CD101: variants seen among roughly 807,000 people sequenced by gnomAD.
CD101 encodes the protein immunoglobulin superfamily member 2.
Under a neutral mutation model 98.2 loss-of-function variants are expected in CD101, and 76 were observed. The observed-to-expected ratio is 0.77, with a 90% CI of 0.64 to 0.94. The LOEUF is 0.94. Among genes scored for constraint, CD101 ranks in the 40% least tolerant of loss-of-function variants. CD101 has a pLI of 0.00. For missense variants in CD101, 1,145 were observed against 1,218.8 expected (o/e 0.94, Z 0.90); for synonymous variants, 471 against 472.7 (o/e 1.00, Z 0.05).
At position 117,011,478 on chromosome 1, in the gene CD101, A is replaced by G. The variant is rs1022493316; in HGVS notation, c.425-72A>G. 1.8e-5 allele frequency: 24 copies of G among 1,326,354 alleles called. No individual in the cohort carries two copies. In the African/African-American group the frequency reaches 2.9e-4, roughly 16 times the overall value. The allele number at this position is 1,326,354 out of a possible 1,614,324, so 82.2% of individuals were successfully genotyped here. ...CTGTGTGCTTTACATAGGGTAGCTC[A>G]GGGCGCCATCTAAGGAGGCCCACTG... is the stretch of plus-strand genomic sequence containing the variant. On this transcript the variant is annotated intron_variant, in intron 2 of 9. Transcript: ENST00000682167.
chr1:117,020,981 A>G (rs1237956728), intron 6 of CD101, among the ~76,000 whole-genome samples: 1 of 152,356 alleles, frequency 6.6e-6, no homozygotes, highest in South Asian at 2.1e-4. Flanking sequence ...TTGGCTCCAT[A>G]TCTATACAAT....
Position 117,017,247 on chromosome 1 carries a change from C to G in CD101, c.1386C>G (p.Gly462=), listed in dbSNP as rs771077794. The G allele has an allele frequency of 4.4e-5, 71 of 1,613,906 alleles. No individual in the cohort carries two copies. The highest frequency in any genetic ancestry group is 5.8e-5 in the Non-Finnish European group (68 of 1,180,032). Residue 462 remains glycine, a synonymous_variant, in exon 5 of 10, where the codon GGC becomes GGG. Coordinates refer to ENST00000682167, the MANE Select transcript of CD101 (RefSeq NM_001256106.3). ...RDQTQPEFVA[G]MGQDGIVQLG... is the part of the protein sequence containing the mutation. ...AGACACAGCCCGAGTTTGTGGCTGG[C>G]ATGGGGCAGGATGGCATTGTGCAGC...
intron 8 of CD101, among the ~76,000 whole-genome samples, chr1:117,030,823 C>T (rs751499293): frequency 6.6e-6 from 1 of 152,170 alleles, no homozygotes; most frequent in East Asian, 1.9e-4. Context: ...GTTGGCAGCC[C>T]CCTCTTTATC....
chr1:117,025,699 T>G lies in CD101; in HGVS notation c.2619T>G (p.Tyr873Ter), dbSNP rs1653872873. Residue 873 changes from tyrosine (Y) to a stop codon, truncating the protein, a stop_gained, in exon 8 of 10, where the codon TAT becomes TAG. Coordinates refer to ENST00000682167, the MANE Select transcript of CD101 (RefSeq NM_001256106.3). LOFTEE classifies it high-confidence loss of function. ...VHLQHDGLLE[Y>*]GEEGLRRHLH... is the part of the protein sequence containing the mutation. Reference sequence around the variant, plus strand: ...TGCAACATGATGGCTTGCTGGAGTATGGGGAAGAGGGGCTCAGGAGGCACC... The same window carrying G: ...TGCAACATGATGGCTTGCTGGAGTAGGGGGAAGAGGGGCTCAGGAGGCACC... 5.6e-6 allele frequency: 9 copies of G among 1,614,034 alleles called. No homozygotes were observed. Among genetic ancestry groups the G allele is most frequent in the Admixed American group, 1.7e-5 (1 of 59,992 alleles).
At chr1:117,011,455 G>A in intron 2 of CD101, 95 bp from the exon 3 acceptor site, 1 of 1,032,274 alleles carries the variant, frequency 9.7e-7, no homozygotes, top group South Asian at 1.6e-5. Context: ...CTCAAAGTCT[G>A]TGTGCTTTAC....
chr1:117,025,865 G>T lies in CD101; in HGVS notation c.2785G>T (p.Asp929Tyr), dbSNP rs748751141. Reference protein sequence around the residue: ...HPSKWINQASDESQRMVLTVL... With the variant: ...HPSKWINQASYESQRMVLTVL... ...AAGCAAGTGGATTAATCAAGCATCC[G>T]ATGAGTCACAGCGGATGGTGCTCAC... is the stretch of plus-strand genomic sequence containing the variant. The change falls in exon 8 of 10, where the codon GAT becomes TAT. Residue 929 changes from aspartate to tyrosine, a missense_variant. Transcript: ENST00000682167. 5 of 1,613,836 alleles carry T rather than the reference G, an allele frequency of 3.1e-6. No individual in the cohort carries two copies. Among genetic ancestry groups the T allele is most frequent in the Non-Finnish European group, 4.2e-6 (5 of 1,179,766 alleles).
Position 117,021,807 on chromosome 1 carries a change from T to G in CD101, c.2252T>G (p.Phe751Cys), listed in dbSNP as rs1243054110. 1 of 1,614,016 alleles carries G rather than the reference T, an allele frequency of 6.2e-7. No homozygotes were observed. Among genetic ancestry groups the G allele is most frequent in the Non-Finnish European group, 8.5e-7 (1 of 1,180,034 alleles). The change falls in exon 7 of 10, where the codon TTT becomes TGT. Residue 751 changes from phenylalanine to cysteine, a missense_variant. Phe to Cys is a radical substitution (Grantham distance 205). Transcript: ENST00000682167. The surrounding 1 kb of genome is among the most constrained non-coding windows in gnomAD (Gnocchi z 4.7). ...EFHTPQRKQK[F>C]HTEKVSQDLF... Reference sequence around the variant, plus strand: ...CACACCCCACAGAGAAAACAAAAATTTCATACTGAGAAGGTTTCCCAAGAC... The same window carrying G: ...CACACCCCACAGAGAAAACAAAAATGTCATACTGAGAAGGTTTCCCAAGAC...
rs1033534756 is a variant in CD101 at position 117,012,198 on chromosome 1, G to A, written c.841+232G>A. 2.6e-5 allele frequency among the ~76,000 whole-genome samples: 4 copies of A among 152,180 alleles called. No homozygotes were observed. The highest frequency in any genetic ancestry group is 5.9e-5 in the Non-Finnish European group (4 of 68,034). ...ATAAGGTCTACTGAGTGGCTAGATC[G>A]ATTCCACAAGCCAGTCATGGAAGTA... On this transcript the variant is annotated intron_variant, in intron 3 of 9. Coordinates refer to ENST00000682167, the MANE Select transcript of CD101 (RefSeq NM_001256106.3). This position sits in a 1 kb window ranked among gnomAD's most constrained non-coding sequence, Gnocchi z 4.0.
chr1:117,035,424 A>C (rs1326995587), intron 9 of CD101, among the ~76,000 whole-genome samples: 1 of 152,090 alleles, frequency 6.6e-6, no homozygotes, highest in Non-Finnish European at 1.5e-5. Flanking sequence ...AGTTCCTTAA[A>C]CTCATGTCCC....
chr1:117,006,697 C>A lies in CD101; in HGVS notation c.44-3153C>A, dbSNP rs921277348. 2.0e-5 allele frequency among the ~76,000 whole-genome samples: 3 copies of A among 151,964 alleles called. No individual in the cohort carries two copies. Among genetic ancestry groups the A allele is most frequent in the Non-Finnish European group, 2.9e-5 (2 of 68,020 alleles). On this transcript the variant is annotated intron_variant, in intron 1 of 9. Transcript: ENST00000682167. This position sits in a 1 kb window ranked among gnomAD's most constrained non-coding sequence, Gnocchi z 4.4. ...CTAATGCCATCTCTTATGCCATCTCCATAAACCTATTTCCCTCCCCTCAAA... is the reference window on the plus strand; with the variant it reads ...CTAATGCCATCTCTTATGCCATCTCAATAAACCTATTTCCCTCCCCTCAAA...
At chr1:117,007,211 A>G (rs1400361033) in intron 1 of CD101, among the ~76,000 whole-genome samples, 1 of 152,190 alleles carries the variant, frequency 6.6e-6, no homozygotes, top group African/African-American at 2.4e-5. Context: ...AGCACAAAGT[A>G]AAATCTGTAT....
In CD101 at chr1:117,018,044, A is replaced by G. The variant is rs1415194543; in HGVS notation, c.1613-112A>G. On this transcript the variant is annotated intron_variant, in intron 5 of 9. Transcript: ENST00000682167. This position sits in a 1 kb window ranked among gnomAD's most constrained non-coding sequence, Gnocchi z 4.3. ...TCTACTCTATAAAATAGGAAACTCC[A>G]AATGTACAAATGCATGGTCCTAGTC... 9 of 976,196 alleles carry G rather than the reference A, an allele frequency of 9.2e-6. No homozygotes were observed. Among genetic ancestry groups the G allele is most frequent in the Non-Finnish European group, 1.3e-5 (9 of 677,584 alleles). The allele number at this position is 976,196 out of a possible 1,614,324, so 60.5% of individuals were successfully genotyped here. A position where few individuals can be genotyped will look rare whatever the true frequency, so the allele number is the denominator to read the frequency against.
At position 117,025,678 on chromosome 1, in the gene CD101, A is replaced by G; in HGVS notation, c.2598A>G (p.Gln866=). The change falls in exon 8 of 10, where the codon CAA becomes CAG. Residue 866 remains glutamine, a synonymous_variant. Transcript: ENST00000682167. The part of the protein sequence containing the change: ...NSGSKLLVHL[Q]HDGLLEYGEE... ...GAAGTAAATTGCTGGTGCACTTGCA[A>G]CATGATGGCTTGCTGGAGTATGGGG... is the stretch of plus-strand genomic sequence containing the variant. 6.2e-7 allele frequency: 1 copy of G among 1,614,202 alleles called. No individual in the cohort carries two copies. Among genetic ancestry groups the G allele is most frequent in the East Asian group, 2.2e-5 (1 of 44,882 alleles).
intron 8 of CD101, among the ~76,000 whole-genome samples, chr1:117,029,129 C>A (rs1346254021): frequency 2.7e-4 from 5 of 18,490 alleles, no homozygotes; most frequent in Non-Finnish European, 3.8e-4. Context: ...AGTCCAACAT[C>A]AGAAAGAAAG....
At chr1:117,025,248 A>C (rs1379813659) in intron 7 of CD101, among the ~76,000 whole-genome samples, 3 of 152,202 alleles carry the variant, frequency 2.0e-5, no homozygotes, top group African/African-American at 7.2e-5. Context: ...CTGTAATCCC[A>C]GCCACTTGGG....
intron 2 of CD101, among the ~76,000 whole-genome samples, 194 bp from the exon 3 acceptor site, chr1:117,011,356 G>T (rs1320141434): frequency 6.6e-6 from 1 of 152,156 alleles, no homozygotes; most frequent in African/African-American, 2.4e-5. Context: ...ACTTTGCCCA[G>T]TTCCGTAGAC....
At position 117,010,374 on chromosome 1, in the gene CD101, A is replaced by G; in HGVS notation, c.424+144A>G. 1 of 793,966 alleles carries G rather than the reference A, an allele frequency of 1.3e-6. No homozygotes were observed. The allele number at this position is 793,966 out of a possible 1,614,324, so 49.2% of individuals were successfully genotyped here. On this transcript the variant is annotated intron_variant, in intron 2 of 9. Transcript: ENST00000682167. This position sits in a 1 kb window ranked among gnomAD's most constrained non-coding sequence, Gnocchi z 5.2. The stretch of plus-strand genomic sequence containing the variant: ...ATGTACCCCTGTGGATATTTTGGAG[A>G]TATGTCACAAGTGGGTATCTCATAT...
Position 117,013,720 on chromosome 1 carries a change from C to T in CD101, c.1156C>T (p.Arg386Cys), listed in dbSNP as rs553939567. 9.9e-6 allele frequency: 16 copies of T among 1,613,898 alleles called. No individual in the cohort carries two copies. The highest frequency in any genetic ancestry group is 2.2e-5 in the East Asian group (1 of 44,890). ...TGTGGTAGCAGAGGTCATGAAAACA[C>T]GCACAGGTTCCTGGCAGGTGCTTCA... ...RCVVAEVMKT[R>C]TGSWQVLQRK... Residue 386 changes from arginine (R) to cysteine (C), a missense_variant, in exon 4 of 10, where the codon CGC becomes TGC. Transcript: ENST00000682167.
At chr1:117,026,804 A>G (rs1021663973) in intron 8 of CD101, 2 of 152,234 alleles carry the variant, frequency 1.3e-5, no homozygotes. Context: ...GAAAACATTA[A>G]AAATTGAGTG....
Sources: allele counts gnomAD v4.1 joint callset (sites outside exome capture counted in the v4.1 genomes callset), GRCh38; gene constraint gnomAD v4.1.1; non-coding constraint Gnocchi (gnomAD v3.1); transcripts MANE v1.5; gene names NCBI Gene and HGNC (gene_info 2026-07-23, HGNC 2026-07-21).